TAOK1: variants seen among roughly 807,000 people sequenced by gnomAD.
TAOK1 encodes TAO kinase 1.
In TAOK1, 21 loss-of-function variants were observed where a neutral mutation model predicts 138.3. The ratio of observed to expected loss-of-function variants is 0.15; its 90% CI spans 0.11 to 0.22. The LOEUF is 0.22. TAOK1 is among the 10% of genes least tolerant of loss of function. TAOK1 has a pLI of 1.00. For missense variants in TAOK1, 651 were observed against 1,227.7 expected (o/e 0.53, Z 7.02); for synonymous variants, 361 against 398.4 (o/e 0.91, Z 1.12).
intron 1 of TAOK1, among the ~76,000 whole-genome samples, chr17:29,400,773 G>T (rs970386030): frequency 6.6e-6 from 1 of 152,000 alleles, no homozygotes; most frequent in African/African-American, 2.4e-5. Flanking sequence ...TCAAACTTTA[G>T]TTTGTGATCC....
At position 29,534,112 on chromosome 17, in the gene TAOK1, T is replaced by A. The variant is rs371510493; in HGVS notation, c.2362-6T>A. The A allele has an allele frequency of 7.5e-6, 12 of 1,598,340 alleles. No homozygotes were observed. The African/African-American group carries it at 1.6e-4, about 22-fold the overall frequency. ...TTTTTTTTTTCTCTCTCTCTCTCTG[T>A]CTCAGCTGCGTTTGGATGAAGCACA... On this transcript the variant is annotated splice_polypyrimidine_tract_variant and splice_region_variant and intron_variant, in intron 18 of 19. Transcript: ENST00000261716.
intron 1 of TAOK1, among the ~76,000 whole-genome samples, chr17:29,415,188 T>TC (rs1905240101): frequency 2.0e-5 from 3 of 152,038 alleles, no homozygotes; most frequent in Non-Finnish European, 4.4e-5. Flanking sequence ...TGGGCTGGTC[T>TC]GAACTCCTGA....
Position 29,522,327 on chromosome 17 carries a change from A to G in TAOK1, c.1956A>G (p.Leu652=), listed in dbSNP as rs1012927793. 1 of 1,614,180 alleles carries G rather than the reference A, an allele frequency of 6.2e-7. No individual in the cohort carries two copies. Among genetic ancestry groups the G allele is most frequent in the Non-Finnish European group, 8.5e-7 (1 of 1,180,024 alleles). The change falls in exon 17 of 20, where the codon CTA becomes CTG. Residue 652 remains leucine, a synonymous_variant. Transcript: ENST00000261716. ...AGAAGGACTTAGAGCATGCCATGCT[A>G]CTCCGACAGCATGAATCTATGCAAG... ...QTQKDLEHAM[L]LRQHESMQEL...
intron 2 of TAOK1, among the ~76,000 whole-genome samples, chr17:29,452,074 G>A (rs137870882): frequency 6.6e-6 from 1 of 152,082 alleles, no homozygotes; most frequent in Non-Finnish European, 1.5e-5. Flanking sequence ...AACTTAGCCC[G>A]GTGTGGTGGT....
chr17:29,466,417 T>C lies in TAOK1; in HGVS notation c.133-728T>C, dbSNP rs79275162. Reference sequence around the variant, plus strand: ...CTTCACCCTCCCAAAGTGCTGCGATTACAGGTGTGAGCCACCACGCCCAGC... The same window carrying C: ...CTTCACCCTCCCAAAGTGCTGCGATCACAGGTGTGAGCCACCACGCCCAGC... On this transcript the variant is annotated intron_variant, in intron 2 of 19. Coordinates refer to ENST00000261716, the MANE Select transcript of TAOK1 (RefSeq NM_020791.4). Among the ~76,000 whole-genome samples the C allele has an allele frequency of 1.3e-3, 199 of 152,312 alleles. 1 individual carries two copies. Among genetic ancestry groups the C allele is most frequent in the African/African-American group, 4.7e-3 (194 of 41,566 alleles).
intron 1 of TAOK1, among the ~76,000 whole-genome samples, chr17:29,415,135 A>C (rs1905238229): frequency 6.6e-6 from 1 of 150,940 alleles, no homozygotes; most frequent in African/African-American, 2.4e-5. Flanking sequence ...ACACCAAGAT[A>C]ATTTTGATAT....
intron 2 of TAOK1, among the ~76,000 whole-genome samples, chr17:29,462,219 A>C (rs2030547906): frequency 6.6e-6 from 1 of 152,252 alleles, no homozygotes; most frequent in Admixed American, 6.5e-5. Flanking sequence ...AAATTGAGTC[A>C]GCCAGCATGG....
chr17:29,538,177 A>G (rs541483543), intron 19 of TAOK1, among the ~76,000 whole-genome samples: 5 of 152,212 alleles, frequency 3.3e-5, no homozygotes, highest in African/African-American at 7.2e-5. Flanking sequence ...AGCCATTTAA[A>G]TGATGTCTGC....
rs767157503 is a variant in TAOK1 at position 29,480,351 on chromosome 17, G to A, written c.450-17G>A. The A allele has an allele frequency of 1.3e-6, 2 of 1,572,120 alleles. No individual in the cohort carries two copies. Among genetic ancestry groups the A allele is most frequent in the East Asian group, 4.5e-5 (2 of 44,166 alleles). On this transcript the variant is annotated splice_polypyrimidine_tract_variant and intron_variant, in intron 6 of 19. Coordinates refer to ENST00000261716, the MANE Select transcript of TAOK1 (RefSeq NM_020791.4). ...TTGAGGGAAAGTTAAGTAATTTTCT[G>A]TATTCCCTAAACCTAGAGATATCAA...
Position 29,467,284 on chromosome 17 carries a change from T to G in TAOK1, c.204+68T>G, listed in dbSNP as rs1048379662. On this transcript the variant is annotated intron_variant, in intron 3 of 19. Transcript: ENST00000261716. Reference sequence around the variant, plus strand: ...CTCAGAATAAATATATACATTCTTTTTTTTTTTGAGACTGAGTCTCCCTCT... The same window carrying G: ...CTCAGAATAAATATATACATTCTTTGTTTTTTTGAGACTGAGTCTCCCTCT... The G allele has an allele frequency of 2.1e-5, 22 of 1,023,374 alleles. No individual in the cohort carries two copies. The African/African-American group carries it at 3.1e-4, about 15-fold the overall frequency. The allele number at this position is 1,023,374 out of a possible 1,614,324, so 63.4% of individuals were successfully genotyped here.
rs756248315 is a variant in TAOK1, at chr17:29,510,987, A to C, written c.1699A>C (p.Lys567Gln). 6.3e-7 allele frequency: 1 copy of C among 1,598,600 alleles called. No individual in the cohort carries two copies. The highest frequency in any genetic ancestry group is 1.1e-5 in the South Asian group (1 of 87,634). ...REYKLRKEQL[K>Q]EELNENQSTP... ...GTATAAACTTCGAAAAGAGCAGCTTAAAGAGGTACTTATGTCATAAAACTT... is the reference window on the plus strand; with the variant it reads ...GTATAAACTTCGAAAAGAGCAGCTTCAAGAGGTACTTATGTCATAAAACTT... Residue 567 changes from lysine to glutamine, a missense_variant, in exon 15 of 20, where the codon AAA (lysine) becomes CAA (glutamine). This residue lies in a region of TAOK1 where 258 missense variants were observed against 548.9 expected (regional missense o/e 0.47). Coordinates refer to ENST00000261716, the MANE Select transcript of TAOK1 (RefSeq NM_020791.4).
At chr17:29,429,162 AAATCAGTTTCAG>A (rs1265740348) in intron 1 of TAOK1, among the ~76,000 whole-genome samples, 1 of 152,170 alleles carries the variant, frequency 6.6e-6, no homozygotes, top group Non-Finnish European at 1.5e-5. Context: ...TCTGGATTAG[AAATCAGTTTCAG>A]CTTTAGAATT....
intron 17 of TAOK1, among the ~76,000 whole-genome samples, chr17:29,528,483 G>T (rs1398509080): frequency 6.6e-6 from 1 of 152,164 alleles, no homozygotes; most frequent in African/African-American, 2.4e-5. Context: ...TCCTAATAGA[G>T]ATTTCCAAGT....
Position 29,496,775 on chromosome 17 carries a change from C to T in TAOK1, c.999+1048C>T, listed in dbSNP as rs181723640. 3.0e-3 allele frequency among the ~76,000 whole-genome samples: 455 copies of T among 150,964 alleles called. 1 individual carries two copies. The highest frequency in any genetic ancestry group is 8.6e-3 in the Admixed American group (131 of 15,154). ...TAATTTTTTGTATGTTTAGTAGAGACCGGTTTCGCTATGTTGGCCAGGCTG... is the reference window on the plus strand; with the variant it reads ...TAATTTTTTGTATGTTTAGTAGAGATCGGTTTCGCTATGTTGGCCAGGCTG... On this transcript the variant is annotated intron_variant, in intron 11 of 19. Coordinates refer to ENST00000261716, the MANE Select transcript of TAOK1 (RefSeq NM_020791.4).
chr17:29,522,531 C>G lies in TAOK1; in HGVS notation c.2148+12C>G. On this transcript the variant is annotated intron_variant, in intron 17 of 19. Transcript: ENST00000261716. Reference sequence around the variant, plus strand: ...CTAAGAGTTTGAAGGTATGGTTAGCCTAAGCTTTTTGATAACAGGGAGGAG... The same window carrying G: ...CTAAGAGTTTGAAGGTATGGTTAGCGTAAGCTTTTTGATAACAGGGAGGAG... The G allele has an allele frequency of 6.2e-7, 1 of 1,613,364 alleles. No homozygotes were observed. Among genetic ancestry groups the G allele is most frequent in the South Asian group, 1.1e-5 (1 of 90,994 alleles).
At chr17:29,461,846 T>A (rs2030539333) in intron 2 of TAOK1, among the ~76,000 whole-genome samples, 1 of 151,632 alleles carries the variant, frequency 6.6e-6, no homozygotes, top group South Asian at 2.1e-4. Context: ...CACAGAGGAG[T>A]CAAGGTTAAT....
At chr17:29,414,955 T>C (rs990496375) in intron 1 of TAOK1, among the ~76,000 whole-genome samples, 1 of 152,166 alleles carries the variant, frequency 6.6e-6, no homozygotes. Flanking sequence ...TGAGCCATTT[T>C]ATACCTTTTT....
chr17:29,447,285 C>T (rs1456544377), intron 1 of TAOK1, among the ~76,000 whole-genome samples: 1 of 151,944 alleles, frequency 6.6e-6, no homozygotes. Flanking sequence ...TTTCAAAACT[C>T]CACATTGTTA....
intron 1 of TAOK1, among the ~76,000 whole-genome samples, chr17:29,439,195 CTTTCT>C (rs1906133157): frequency 1.6e-5 from 2 of 122,310 alleles, no homozygotes; most frequent in South Asian, 5.2e-4. Flanking sequence ...ATGATAATTT[CTTTCT>C]TTTTTTTTTT....
Sources: gnomAD v4.1 joint callset for allele counts (sites outside exome capture counted in the v4.1 genomes callset) on GRCh38, gnomAD v4.1.1 for gene constraint, gnomAD v4.1.1 regional missense constraint, MANE v1.5 for transcripts, NCBI Gene and HGNC (gene_info 2026-07-23, HGNC 2026-07-21) for gene names.